TNIK: variants seen among roughly 807,000 people sequenced by gnomAD.
The protein encoded by TNIK is TRAF2 and NCK interacting kinase.
A neutral mutation model predicts 191.3 loss-of-function variants in TNIK; 49 were observed. The observed-to-expected ratio is 0.26, with a 90% confidence interval of 0.20 to 0.32. The LOEUF is 0.32. TNIK is among the 10% of genes least tolerant of loss of function. The pLI is 1.00. For missense variants in TNIK, 1,155 were observed against 1,702.3 expected (o/e 0.68, Z 5.66); for synonymous variants, 594 against 600.9 (o/e 0.99, Z 0.17).
At chr3:171,139,835 A>C (rs1560169734) in intron 13 of TNIK, among the ~76,000 whole-genome samples, 1 of 152,238 alleles carries the variant, frequency 6.6e-6, no homozygotes, top group Non-Finnish European at 1.5e-5. Flanking sequence ...TACATGTTAA[A>C]GCTTTTCATT....
intron 29 of TNIK, among the ~76,000 whole-genome samples, chr3:171,069,911 C>T (rs894453828): frequency 5.9e-5 from 9 of 152,326 alleles, no homozygotes; most frequent in East Asian, 1.9e-4. Context: ...TATGGGAAGG[C>T]TTGGCCTCTT....
At chr3:171,131,110 G>A (rs1245596009) in intron 15 of TNIK, among the ~76,000 whole-genome samples, 6 of 151,800 alleles carry the variant, frequency 4.0e-5, no homozygotes, top group South Asian at 2.1e-4. Context: ...AGGCCGAGGC[G>A]GGCGGATCAC....
At chr3:171,145,197 C>T (rs1223933112) in intron 12 of TNIK, among the ~76,000 whole-genome samples, 3 of 151,846 alleles carry the variant, frequency 2.0e-5, no homozygotes, top group Non-Finnish European at 4.4e-5. Context: ...CGCCATTCTC[C>T]TGCCTCAGCC....
rs530215571 is a variant in TNIK, at chr3:171,408,215, GA to G, written c.58-38531del. On this transcript the variant is annotated intron_variant, in intron 1 of 32. Transcript: ENST00000436636. ...TATGTCTTTATTAAATAAATGAAAAGAAAAAAAGTCCACATAGACAAATAAA... is the reference window on the plus strand; with the variant it reads ...TATGTCTTTATTAAATAAATGAAAAGAAAAAAGTCCACATAGACAAATAAA... 2.5e-3 allele frequency among the ~76,000 whole-genome samples: 380 copies of G among 151,958 alleles called. 1 individual carries two copies. Among genetic ancestry groups the G allele is most frequent in the African/African-American group, 8.9e-3 (370 of 41,472 alleles).
chr3:171,267,096 G>T (rs762230606), intron 2 of TNIK, among the ~76,000 whole-genome samples: 1 of 152,148 alleles, frequency 6.6e-6, no homozygotes, highest in Non-Finnish European at 1.5e-5. Flanking sequence ...CTTTTTTAAA[G>T]GATTCATTTA....
chr3:171,144,434 C>A (rs182128418), intron 12 of TNIK, among the ~76,000 whole-genome samples: 158 of 151,900 alleles, frequency 1.0e-3, no homozygotes, highest in Non-Finnish European at 1.4e-3. Flanking sequence ...TTTTAAATTT[C>A]TTATTTTAGA....
chr3:171,274,885 T>C (rs1057076685), intron 2 of TNIK, among the ~76,000 whole-genome samples: 1 of 152,180 alleles, frequency 6.6e-6, no homozygotes, highest in Non-Finnish European at 1.5e-5. Flanking sequence ...AGTGTAGAAA[T>C]TTATGGGCAG....
intron 2 of TNIK, among the ~76,000 whole-genome samples, chr3:171,236,628 T>TACCAGGTACTAG (rs1421478410): frequency 6.6e-6 from 1 of 152,100 alleles, no homozygotes; most frequent in Non-Finnish European, 1.5e-5. Flanking sequence ...TAACTAGAGG[T>TACCAGGTACTAG]AGGACGATGC....
intron 2 of TNIK, among the ~76,000 whole-genome samples, chr3:171,264,610 C>T (rs1391823312): frequency 6.6e-6 from 1 of 152,134 alleles, no homozygotes. Flanking sequence ...GGAAATTTGT[C>T]TGCAGGTGCT....
intron 4 of TNIK, among the ~76,000 whole-genome samples, chr3:171,204,015 T>C (rs963477677): frequency 1.3e-5 from 2 of 152,198 alleles, no homozygotes; most frequent in Non-Finnish European, 2.9e-5. Flanking sequence ...AAAATATGTG[T>C]GAGTTCACAT....
chr3:171,093,632 T>G (rs971840671), intron 23 of TNIK, among the ~76,000 whole-genome samples: 9 of 152,204 alleles, frequency 5.9e-5, no homozygotes, highest in African/African-American at 2.2e-4. Context: ...ATAATATAAT[T>G]AAGTCACACT....
At chr3:171,070,998 T>C (rs968653551) in intron 29 of TNIK, among the ~76,000 whole-genome samples, 2 of 152,218 alleles carry the variant, frequency 1.3e-5, no homozygotes, top group African/African-American at 4.8e-5. Flanking sequence ...TGATGATTCA[T>C]AGATCTCAAG....
chr3:171,233,039 C>A (rs533391266), intron 2 of TNIK, among the ~76,000 whole-genome samples: 1 of 152,214 alleles, frequency 6.6e-6, no homozygotes, highest in African/African-American at 2.4e-5. Context: ...TTCTAGGTCA[C>A]CCACATACAT....
intron 2 of TNIK, among the ~76,000 whole-genome samples, chr3:171,288,807 CA>C (rs10666822): frequency 1.1e-3 from 122 of 109,044 alleles, no homozygotes; most frequent in Middle Eastern, 4.7e-3. Context: ...GACTCCATCT[CA>C]AAAAAAAAAA....
chr3:171,151,483 A>G (rs575002408), intron 12 of TNIK, among the ~76,000 whole-genome samples: 1 of 152,354 alleles, frequency 6.6e-6, no homozygotes, highest in East Asian at 1.9e-4. Context: ...ATATTTATTG[A>G]GGGCTCACTA....
chr3:171,230,869 C>T (rs551524358), intron 2 of TNIK, among the ~76,000 whole-genome samples: 2 of 152,150 alleles, frequency 1.3e-5, no homozygotes, highest in Non-Finnish European at 2.9e-5. Flanking sequence ...GCTCCATTTG[C>T]AGCCCAACCT....
intron 20 of TNIK, 146 bp downstream of exon 20, chr3:171,107,919 A>T: frequency 2.7e-6 from 2 of 732,854 alleles, no homozygotes; most frequent in Non-Finnish European, 4.3e-6. Context: ...CTAATCAGGT[A>T]TGACTTTCTT....
intron 1 of TNIK, among the ~76,000 whole-genome samples, chr3:171,444,102 T>G (rs556463955): frequency 3.7e-4 from 57 of 152,212 alleles, no homozygotes; most frequent in Non-Finnish European, 2.9e-4. Flanking sequence ...ACGCTCACTA[T>G]CAGTTGTATA....
intron 1 of TNIK, among the ~76,000 whole-genome samples, chr3:171,442,363 C>T (rs1325854812): frequency 6.6e-6 from 1 of 152,148 alleles, no homozygotes; most frequent in Non-Finnish European, 1.5e-5. Context: ...GTCCCTGCTG[C>T]TTTGAATACC....
Sources: gnomAD v4.1 joint callset for allele counts (sites outside exome capture counted in the v4.1 genomes callset) on GRCh38, gnomAD v4.1.1 for gene constraint, MANE v1.5 for transcripts, NCBI Gene and HGNC (gene_info 2026-07-23, HGNC 2026-07-21) for gene names.